Variants in DEPDC4 observed in about 807,000 individuals in gnomAD.
DEPDC4 encodes DEP domain-containing protein 4.
DEPDC4 carries 52 observed loss-of-function variants against 52.0 expected under a neutral mutation model. The observed-to-expected ratio is 1.00, with a 90% CI of 0.80 to 1.26. The LOEUF (loss-of-function observed/expected upper bound fraction) is 1.26. Among genes scored for constraint, DEPDC4 ranks in the 50% most tolerant of loss-of-function variants. The probability of loss-of-function intolerance (pLI) is 0.00; values close to 1 mark genes in which losing one functional copy is unlikely to be tolerated. For synonymous variants in DEPDC4, 201 were observed against 196.8 expected (o/e 1.02, Z -0.18); for missense variants, 530 against 546.9 (o/e 0.97, Z 0.31).
At chr12:100,267,155 GC>G (rs891527890), upstream of DEPDC4, 74 of 1,481,980 alleles carry the variant, frequency 5.0e-5, no homozygotes, top group Middle Eastern at 4.3e-4. Context: ...GTGACGTCAT[GC>G]CCCCGGCCGG....
At chr12:100,246,901 C>T (rs1479426865) in intron 8 of DEPDC4, among the ~76,000 whole-genome samples, 3 of 151,884 alleles carry the variant, frequency 2.0e-5, no homozygotes, top group Non-Finnish European at 4.4e-5. Context: ...TGCGCCATTG[C>T]ACTCCAGCCT....
upstream of DEPDC4, among the ~76,000 whole-genome samples, chr12:100,268,955 A>G (rs960667892): frequency 7.9e-5 from 12 of 152,168 alleles, no homozygotes; most frequent in African/African-American, 2.7e-4. Flanking sequence ...CGTCTGTAAC[A>G]GTAGTCCTGT....
In DEPDC4 at chr12:100,244,093, GTGTATATATATATATATA is replaced by G. The variant is rs539981003; in HGVS notation, c.1454-1542_1454-1525del. On this transcript the variant is annotated intron_variant, in intron 8 of 9. Transcript: ENST00000550587. ...TCCCTCTCTCTCTCTCTCTCTCTCT[GTGTATATATATATATATA>G]TATATATATATATATATATATATAC... Among the ~76,000 whole-genome samples the G allele has an allele frequency of 5.6e-3, 499 of 89,334 alleles. 26 individuals are homozygous for G. The highest frequency in any genetic ancestry group is 0.044 in the South Asian group (84 of 1,926). 58.6% of individuals were successfully genotyped at this position (89,334 alleles called of 152,430 possible). A position where few individuals can be genotyped will look rare whatever the true frequency, so the allele number is the denominator to read the frequency against.
intron 1 of DEPDC4, among the ~76,000 whole-genome samples, chr12:100,264,887 GA>G (rs1234213955): frequency 1.3e-5 from 2 of 151,750 alleles, no homozygotes; most frequent in South Asian, 2.1e-4. Context: ...ATTGCATAAT[GA>G]AAAAAAATTG....
At chr12:100,261,625 G>C in intron 3 of DEPDC4, 1 of 443,798 alleles carries the variant, frequency 2.3e-6, no homozygotes, top group Non-Finnish European at 4.5e-6. Flanking sequence ...ACTGTGGTGA[G>C]TCCGTATGTT....
At chr12:100,259,081 A>AAAAAAAATAT (rs543577636) in intron 3 of DEPDC4, among the ~76,000 whole-genome samples, 3 of 149,092 alleles carry the variant, frequency 2.0e-5, no homozygotes, top group African/African-American at 7.5e-5. Flanking sequence ...AAAAAAAAAA[A>AAAAAAAATAT]ATATATATAT....
At position 100,234,029 on chromosome 12, in the gene DEPDC4, C is replaced by T. The variant is rs181251231; in HGVS notation, c.*699+3939G>A. Reference sequence around the variant, plus strand: ...GGCTGAGGTGGGAGAATCACTTGAACCCAGGAGGTTGAGGCTGTGGTGAGC... The same window carrying T: ...GGCTGAGGTGGGAGAATCACTTGAATCCAGGAGGTTGAGGCTGTGGTGAGC... On this transcript the variant is annotated intron_variant and NMD_transcript_variant, in intron 9 of 10. Transcript: ENST00000378244. Among the ~76,000 whole-genome samples, 37 of 152,194 alleles carry T rather than the reference C, an allele frequency of 2.4e-4. No individual in the cohort carries two copies. The East Asian group carries it at 6.8e-3, about 28-fold the overall frequency.
Position 100,257,502 on chromosome 12 carries a change from A to G in DEPDC4, c.701-1276T>C, listed in dbSNP as rs554464602. Among the ~76,000 whole-genome samples the G allele has an allele frequency of 2.9e-3, 440 of 152,212 alleles. 1 individual carries two copies. The highest frequency in any genetic ancestry group is 4.7e-3 in the Non-Finnish European group (320 of 68,006). On this transcript the variant is annotated intron_variant, in intron 3 of 9. Transcript: ENST00000550587. ...GAGGTTCACCTGCCTCAGCCTACCGAGTAGCTGGGATTACAGGCATGCGCC... is the reference window on the plus strand; with the variant it reads ...GAGGTTCACCTGCCTCAGCCTACCGGGTAGCTGGGATTACAGGCATGCGCC...
intron 7 of DEPDC4, among the ~76,000 whole-genome samples, chr12:100,251,712 C>G (rs917142726): frequency 6.6e-6 from 1 of 151,974 alleles, no homozygotes; most frequent in African/African-American, 2.4e-5. Context: ...GGATTACAGG[C>G]ACGCGCCACC....
rs2096262149 is a variant in DEPDC4, at chr12:100,263,719, C to T, written c.332G>A (p.Ser111Asn). ...TTTAAGACAAGAGATGTCATTGCTA[C>T]TTAGGCACGTGTTTTGCATAAGATG... ...LSHLMQNTCL[S>N]SNDISCLKGV... is the part of the protein sequence containing the mutation. Residue 111 changes from serine to asparagine, a missense_variant, in exon 2 of 10, where the codon AGT (serine) becomes AAT (asparagine). Physicochemically the swap from Ser to Asn is conservative, Grantham distance 46. Coordinates refer to ENST00000550587, the MANE Select transcript of DEPDC4 (RefSeq NM_001364818.2). 1 of 1,614,080 alleles carries T rather than the reference C, an allele frequency of 6.2e-7. No individual in the cohort carries two copies. Among genetic ancestry groups the T allele is most frequent in the Non-Finnish European group, 8.5e-7 (1 of 1,180,010 alleles).
downstream of DEPDC4, among the ~76,000 whole-genome samples, chr12:100,235,356 T>G (rs1339296872): frequency 1.3e-5 from 2 of 149,858 alleles, no homozygotes; most frequent in Admixed American, 1.3e-4. Context: ...TTAAGGTTTT[T>G]TTTTTTTTTT....
rs2096268445 is a variant in DEPDC4, at chr12:100,265,438, C to CA, written c.157+1481dup. ...CCCCATCTCTACCAAAAATACAACA[C>CA]AAAAAAATTTAGCTGGGCATGGTGT... On this transcript the variant is annotated intron_variant, in intron 1 of 9. Coordinates refer to ENST00000550587, the MANE Select transcript of DEPDC4 (RefSeq NM_001364818.2). Among the ~76,000 whole-genome samples, 3 of 151,834 alleles carry CA rather than the reference C, an allele frequency of 2.0e-5. No homozygotes were observed. In the South Asian group the frequency reaches 6.2e-4, roughly 32 times the overall value.
rs1020529350 is a variant in DEPDC4 at position 100,252,824 on chromosome 12, C to G, written c.1106-288G>C. 1.1e-4 allele frequency among the ~76,000 whole-genome samples: 16 copies of G among 152,206 alleles called. No homozygotes were observed. In the East Asian group the frequency reaches 3.1e-3, roughly 29 times the overall value. On this transcript the variant is annotated intron_variant, in intron 5 of 9. Transcript: ENST00000550587. ...CTAAAAAATGACATATTATGTCACT[C>G]AATTTTCATTTTGCTAAAAGGTCAT...
intron 1 of DEPDC4, 71 bp from the exon 2 acceptor site, chr12:100,263,964 A>T: frequency 7.0e-7 from 1 of 1,420,534 alleles, no homozygotes; most frequent in Non-Finnish European, 9.5e-7. Context: ...TTCAGTTTTG[A>T]CAACCTTATG....
chr12:100,252,561 C>A, intron 5 of DEPDC4, 25 bp from the exon 6 acceptor site: 1 of 1,564,446 alleles, frequency 6.4e-7, no homozygotes, highest in Non-Finnish European at 8.6e-7. Flanking sequence ...ACAAAGAAAA[C>A]AAAGCATAAG....
the DEPDC4 span, among the ~76,000 whole-genome samples, chr12:100,278,705 C>A: frequency 6.7e-6 from 1 of 148,876 alleles, no homozygotes; most frequent in Non-Finnish European, 1.5e-5. Context: ...TCTCGGCTTA[C>A]TGCAACCTTC....
chr12:100,263,815 CT>C lies in DEPDC4; in HGVS notation c.235del (p.Arg79GlufsTer23). 1 of 1,614,160 alleles carries C rather than the reference CT, an allele frequency of 6.2e-7. No individual in the cohort carries two copies. The highest frequency in any genetic ancestry group is 8.5e-7 in the Non-Finnish European group (1 of 1,180,030). On this transcript the variant is annotated frameshift_variant, in exon 2 of 10. Coordinates refer to ENST00000550587, the MANE Select transcript of DEPDC4 (RefSeq NM_001364818.2). LOFTEE classifies it high-confidence loss of function. ...HSLQAQVEIK[R>X]RRHHLQTYKD... ...GTATGTCTGTAAATGATGCCTCCTTCTTTTTATTTCCACTTGGGCCTGAAGA... is the reference window on the plus strand; with the variant it reads ...GTATGTCTGTAAATGATGCCTCCTTCTTTTATTTCCACTTGGGCCTGAAGA...
chr12:100,255,690 T>A (rs1259969855), intron 4 of DEPDC4, among the ~76,000 whole-genome samples: 2 of 152,222 alleles, frequency 1.3e-5, no homozygotes, highest in Admixed American at 6.5e-5. Context: ...CTCTCATGTA[T>A]GTCTCCCCCT....
intron 3 of DEPDC4, among the ~76,000 whole-genome samples, chr12:100,259,080 A>AT (rs1382876961): frequency 0.016 from 2,406 of 148,468 alleles, 23 homozygotes; most frequent in Middle Eastern, 0.051. Flanking sequence ...CAAAAAAAAA[A>AT]AATATATATA....
Sources: gnomAD v4.1 joint callset for allele counts (sites outside exome capture counted in the v4.1 genomes callset) on GRCh38, gnomAD v4.1.1 for gene constraint, MANE v1.5 for transcripts, NCBI Gene and HGNC (gene_info 2026-07-23, HGNC 2026-07-21) for gene names.